BFSP1: variants seen among roughly 807,000 people sequenced by gnomAD.
BFSP1 encodes the protein beaded filament structural protein 1, also known as filensin.
In BFSP1, 38 loss-of-function variants were observed where a neutral mutation model predicts 43.9. That is an observed-to-expected ratio of 0.87 (90% CI 0.67 to 1.14). The LOEUF (loss-of-function observed/expected upper bound fraction) is 1.14, where lower values mean the gene tolerates loss of function less well. Among genes scored for constraint, BFSP1 ranks in the 50% most tolerant of loss-of-function variants. The pLI is 0.00. For missense variants in BFSP1, 850 were observed against 875.1 expected, an observed-to-expected ratio of 0.97 and a Z score of 0.36; for synonymous variants, 352 against 354.8, an observed-to-expected ratio of 0.99 and a Z score of 0.09.
chr20:17,545,285 T>A (rs768533184), intron 1 of BFSP1, among the ~76,000 whole-genome samples: 5 of 151,828 alleles, frequency 3.3e-5, no homozygotes, highest in Non-Finnish European at 5.9e-5. Context: ...ACAGGAGAGG[T>A]AGGGTATGCA....
At chr20:17,497,263 A>G (rs1410828985) in intron 6 of BFSP1, among the ~76,000 whole-genome samples, 1 of 152,028 alleles carries the variant, frequency 6.6e-6, no homozygotes, top group African/African-American at 2.4e-5. Flanking sequence ...AAAAATTGTA[A>G]AGTGGGGATT....
chr20:17,554,085 A>G (rs928570026), intron 1 of BFSP1, among the ~76,000 whole-genome samples: 2 of 151,756 alleles, frequency 1.3e-5, no homozygotes, highest in Non-Finnish European at 2.9e-5. Flanking sequence ...AAAAAAAGAC[A>G]AAGTGCCAAA....
rs2033648788 is a variant in BFSP1, at chr20:17,497,003, T to G, written c.977A>C (p.Glu326Ala). The part of the protein sequence containing the change: ...EGNRLTSAFI[E>A]TPIPLFTQSH... Reference sequence around the variant, plus strand: ...CTGGGTGAACAGGGGAATGGGAGTTTCAATGAAGGCAGAGGTCAGCCTGGC... The same window carrying G: ...CTGGGTGAACAGGGGAATGGGAGTTGCAATGAAGGCAGAGGTCAGCCTGGC... Residue 326 changes from glutamate to alanine, a missense_variant, in exon 7 of 8, where the codon GAA becomes GCA. Coordinates refer to ENST00000377873, the MANE Select transcript of BFSP1 (RefSeq NM_001195.5). 6.5e-7 allele frequency: 1 copy of G among 1,541,150 alleles called. No individual in the cohort carries two copies. Among genetic ancestry groups the G allele is most frequent in the Non-Finnish European group, 8.7e-7 (1 of 1,144,054 alleles).
chr20:17,508,335 A>G (rs1231145845), intron 5 of BFSP1, among the ~76,000 whole-genome samples: 1 of 152,184 alleles, frequency 6.6e-6, no homozygotes, highest in Non-Finnish European at 1.5e-5. Context: ...ATTAAGCTTC[A>G]CCCAAAAGGG....
rs117060197 is a variant in BFSP1, at chr20:17,551,027, G to A, written c.2+7661C>T. On this transcript the variant is annotated intron_variant, in intron 1 of 7. Coordinates refer to the BFSP1 transcript ENST00000377868. The stretch of plus-strand genomic sequence containing the variant: ...ATGACATGCAGTCCAGAGGTAGGCA[G>A]TTCAGGGCGAGTGTGGTGGAGCCTT... Among the ~76,000 whole-genome samples the A allele has an allele frequency of 8.7e-3, 1,325 of 152,310 alleles. 11 individuals carry two copies. Among genetic ancestry groups the A allele is most frequent in the Non-Finnish European group, 0.014 (940 of 68,018 alleles).
In BFSP1 at chr20:17,502,603, G is replaced by A. The variant is rs147937004; in HGVS notation, c.736-3563C>T. Among the ~76,000 whole-genome samples, 339 of 152,216 alleles carry A rather than the reference G, an allele frequency of 2.2e-3. 3 individuals are homozygous for A. Among genetic ancestry groups the A allele is most frequent in the Non-Finnish European group, 3.9e-3 (263 of 68,012 alleles). ...TGTTAATTTCCAGGTTTTTATCATC[G>A]GCCCGTGGTTTTGTGGAAGTTGGGT... On this transcript the variant is annotated intron_variant, in intron 5 of 7. Transcript: ENST00000377873.
upstream of BFSP1, among the ~76,000 whole-genome samples, chr20:17,532,663 A>G (rs1179915657): frequency 6.6e-6 from 1 of 151,696 alleles, no homozygotes; most frequent in Non-Finnish European, 1.5e-5. Flanking sequence ...TTTAAGGACA[A>G]GCTTTTAAAA....
exon 1 of BFSP1, chr20:17,558,868 A>G: frequency 1.2e-6 from 1 of 802,646 alleles, no homozygotes; most frequent in Non-Finnish European, 1.9e-6. Context: ...AGAGGAAGTG[A>G]CTCACTGGCT....
chr20:17,535,913 T>G (rs555954925), upstream of BFSP1, among the ~76,000 whole-genome samples: 6 of 152,228 alleles, frequency 3.9e-5, no homozygotes, highest in East Asian at 1.2e-3. Flanking sequence ...GCTATAACCA[T>G]TGAACAATTT....
intron 6 of BFSP1, among the ~76,000 whole-genome samples, chr20:17,498,256 AAG>A (rs1473696038): frequency 6.6e-6 from 1 of 152,202 alleles, no homozygotes; most frequent in African/African-American, 2.4e-5. Context: ...GCTGGAGAGA[AAG>A]AGAGAATTTC....
chr20:17,518,422 A>T (rs2034248925), intron 2 of BFSP1, among the ~76,000 whole-genome samples: 1 of 152,164 alleles, frequency 6.6e-6, no homozygotes, highest in Non-Finnish European at 1.5e-5. Flanking sequence ...ACAGTGAGGG[A>T]GGGTCTAATG....
At chr20:17,497,335 T>C (rs535328069) in intron 6 of BFSP1, among the ~76,000 whole-genome samples, 10 of 152,026 alleles carry the variant, frequency 6.6e-5, no homozygotes, top group Non-Finnish European at 1.2e-4. Context: ...TTTTGCCTTT[T>C]GTTTTTTTGC....
intron 1 of BFSP1, chr20:17,565,780 A>T (rs993616360): frequency 6.6e-6 from 1 of 152,238 alleles, no homozygotes; most frequent in African/African-American, 2.4e-5. Context: ...ATCTTTTACA[A>T]TAAAACTACA....
At chr20:17,497,677 T>C (rs1600631219) in intron 6 of BFSP1, among the ~76,000 whole-genome samples, 2 of 150,986 alleles carry the variant, frequency 1.3e-5, no homozygotes, top group South Asian at 4.2e-4. Flanking sequence ...TATATACATA[T>C]ATACATATAC....
intron 4 of BFSP1, among the ~76,000 whole-genome samples, chr20:17,510,072 T>C (rs1263426415): frequency 6.6e-6 from 1 of 152,182 alleles, no homozygotes; most frequent in African/African-American, 2.4e-5. Flanking sequence ...ACCGTCTAAC[T>C]TGATTGTAGA....
At position 17,525,874 on chromosome 20, in the gene BFSP1, G is replaced by A. The variant is rs1334106692; in HGVS notation, c.378-966C>T. 6.6e-6 allele frequency among the ~76,000 whole-genome samples: 1 copy of A among 152,122 alleles called. No homozygotes were observed. The highest frequency in any genetic ancestry group is 1.5e-5 in the Non-Finnish European group (1 of 68,044). ...CCTGACCAATGGGATGGAAGCATAA[G>A]TCTGCATGGCAGCTTCCAGATACCT... On this transcript the variant is annotated intron_variant, in intron 1 of 7. Coordinates refer to ENST00000377873, the MANE Select transcript of BFSP1 (RefSeq NM_001195.5). The surrounding 1 kb of genome is among the most constrained non-coding windows in gnomAD (Gnocchi z 4.2).
upstream of BFSP1, among the ~76,000 whole-genome samples, chr20:17,533,321 T>A (rs996825528): frequency 1.3e-5 from 2 of 152,252 alleles, no homozygotes; most frequent in Non-Finnish European, 2.9e-5. Context: ...ACTTCAGGCT[T>A]CCTCACGAGA....
At chr20:17,555,072 G>GC (rs2123591367) in intron 1 of BFSP1, among the ~76,000 whole-genome samples, 1 of 151,972 alleles carries the variant, frequency 6.6e-6, no homozygotes, top group African/African-American at 2.4e-5. Context: ...GCCGAGGTGG[G>GC]AGAATCACAT....
intron 3 of BFSP1, among the ~76,000 whole-genome samples, chr20:17,513,692 C>T (rs567737240): frequency 2.0e-5 from 3 of 152,322 alleles, no homozygotes; most frequent in East Asian, 1.9e-4. Flanking sequence ...TTGGGTTTCC[C>T]CAGAAGCAGA....
Sources: gnomAD v4.1 joint callset for allele counts (sites outside exome capture counted in the v4.1 genomes callset) on GRCh38, gnomAD v4.1.1 for gene constraint, Gnocchi (gnomAD v3.1) non-coding constraint, MANE v1.5 for transcripts, NCBI Gene and HGNC (gene_info 2026-07-23, HGNC 2026-07-21) for gene names.